Variants in CPSF3 observed in about 807,000 individuals in gnomAD.
CPSF3 encodes cleavage and polyadenylation specificity factor subunit 3.
A neutral mutation model predicts 84.1 loss-of-function variants in CPSF3; 57 were observed. The ratio of observed to expected loss-of-function variants is 0.68; its 90% CI spans 0.55 to 0.85. The LOEUF is 0.85. CPSF3 is among the 40% of genes least tolerant of loss of function. The pLI is 0.00. For missense variants in CPSF3, 522 were observed against 838.8 expected (o/e 0.62, Z 4.66); for synonymous variants, 275 against 278.1 (o/e 0.99, Z 0.11).
intron 11 of CPSF3, among the ~76,000 whole-genome samples, chr2:9,449,470 G>A (rs1361965304): frequency 2.6e-5 from 4 of 151,930 alleles, no homozygotes; most frequent in African/African-American, 9.7e-5. Flanking sequence ...GGCTGGGCAC[G>A]GTGGCTCACT....
chr2:9,470,796 G>A (rs1031657417), intron 16 of CPSF3, among the ~76,000 whole-genome samples: 1 of 152,194 alleles, frequency 6.6e-6, no homozygotes, highest in Admixed American at 6.5e-5. Flanking sequence ...TATAGGTTAA[G>A]ATAATGTATA....
intron 9 of CPSF3, 73 bp from the exon 10 acceptor site, chr2:9,443,441 TG>T: frequency 2.0e-6 from 3 of 1,472,728 alleles, no homozygotes; most frequent in Non-Finnish European, 2.8e-6. Flanking sequence ...TATGACTGCA[TG>T]AAAAAAATGA....
At chr2:9,456,839 C>A in intron 13 of CPSF3, 94 bp from the exon 14 acceptor site, 1 of 674,638 alleles carries the variant, frequency 1.5e-6, no homozygotes, top group South Asian at 2.6e-5. Context: ...AATTGTGTAG[C>A]TGCTTTATTT....
chr2:9,439,166 A>G (rs1297712120), intron 7 of CPSF3, among the ~76,000 whole-genome samples: 8 of 152,250 alleles, frequency 5.3e-5, no homozygotes, highest in Non-Finnish European at 1.5e-5. Flanking sequence ...TATCATTGAT[A>G]CATCAAATGG....
chr2:9,468,786 C>T (rs1357463028), intron 16 of CPSF3, among the ~76,000 whole-genome samples: 1 of 151,982 alleles, frequency 6.6e-6, no homozygotes, highest in Non-Finnish European at 1.5e-5. Flanking sequence ...GCCCACCACA[C>T]CCAGCTAATT....
At chr2:9,458,797 A>G (rs1479914358) in intron 14 of CPSF3, among the ~76,000 whole-genome samples, 3 of 152,130 alleles carry the variant, frequency 2.0e-5, no homozygotes, top group African/African-American at 7.2e-5. Flanking sequence ...TAGTGTGAGA[A>G]GCAAAAGTAA....
In CPSF3 at chr2:9,473,012, C is replaced by G; in HGVS notation, c.2050C>G (p.His684Asp). Reference sequence around the variant, plus strand: ...ACTGTACGAGGCCCTGACGCCAGTTCACTGAGACTGTGCCTGTATATGAAC... The same window carrying G: ...ACTGTACGAGGCCCTGACGCCAGTTGACTGAGACTGTGCCTGTATATGAAC... ...QRLYEALTPV[H>D] Residue 684 changes from histidine to aspartate, a missense_variant, in exon 18 of 18, where the codon CAC (histidine) becomes GAC (aspartate). By Grantham distance (81) the His-to-Asp change is moderately conservative. Around this residue, in one of 2 missense-constraint regions of CPSF3, gnomAD observed 193 missense variants for 231.6 expected, o/e 0.83. Transcript: ENST00000238112. 1.2e-6 allele frequency: 2 copies of G among 1,609,980 alleles called. No homozygotes were observed. Among genetic ancestry groups the G allele is most frequent in the Non-Finnish European group, 1.7e-6 (2 of 1,176,600 alleles).
At chr2:9,434,340 G>A (rs1247335940) in intron 6 of CPSF3, among the ~76,000 whole-genome samples, 1 of 151,804 alleles carries the variant, frequency 6.6e-6, no homozygotes, top group African/African-American at 2.4e-5. Flanking sequence ...CTGCACTCGA[G>A]CCTGGGCTAC....
chr2:9,450,690 A>G (rs1192734312), intron 11 of CPSF3, among the ~76,000 whole-genome samples: 5 of 152,112 alleles, frequency 3.3e-5, no homozygotes, highest in African/African-American at 1.2e-4. Flanking sequence ...CGGGAGGCTG[A>G]GGCAGGAGAA....
chr2:9,451,719 T>A (rs1470084963), intron 11 of CPSF3, among the ~76,000 whole-genome samples: 1 of 148,734 alleles, frequency 6.7e-6, no homozygotes, highest in East Asian at 2.0e-4. Flanking sequence ...AATGAAACTT[T>A]TTTTTTTTTT....
chr2:9,470,736 A>G (rs902759579), intron 16 of CPSF3, among the ~76,000 whole-genome samples: 2 of 152,202 alleles, frequency 1.3e-5, no homozygotes, highest in African/African-American at 4.8e-5. Flanking sequence ...AAATCACTTA[A>G]CTTCTGTGTC....
chr2:9,455,980 T>A (rs1681512034), intron 13 of CPSF3, among the ~76,000 whole-genome samples: 2 of 152,118 alleles, frequency 1.3e-5, no homozygotes, highest in Non-Finnish European at 2.9e-5. Flanking sequence ...TTAAAAAAAA[T>A]TAAAAAAGAA....
chr2:9,437,734 C>T (rs1444411891), intron 7 of CPSF3, among the ~76,000 whole-genome samples: 2 of 152,216 alleles, frequency 1.3e-5, no homozygotes, highest in East Asian at 3.8e-4. Context: ...TGGCTCACGA[C>T]TGTAATCCCT....
intron 15 of CPSF3, among the ~76,000 whole-genome samples, chr2:9,464,762 T>C (rs1681845863): frequency 6.6e-6 from 1 of 151,944 alleles, no homozygotes; most frequent in African/African-American, 2.4e-5. Flanking sequence ...CTGGCTAATT[T>C]TTCTATTTTT....
intron 12 of CPSF3, among the ~76,000 whole-genome samples, chr2:9,453,455 T>C (rs1030746546): frequency 6.6e-6 from 1 of 152,228 alleles, no homozygotes; most frequent in Non-Finnish European, 1.5e-5. Context: ...AAAACTTGTA[T>C]AATTTCTTTA....
At chr2:9,466,424 G>A (rs992269435) in intron 15 of CPSF3, among the ~76,000 whole-genome samples, 6 of 141,770 alleles carry the variant, frequency 4.2e-5, no homozygotes, top group Non-Finnish European at 9.0e-5. Flanking sequence ...ACGCACACGC[G>A]CACACACGCG....
At position 9,423,731 on chromosome 2, in the gene CPSF3, G is replaced by A. The variant is rs1372504366; in HGVS notation, c.-43G>A. 2.5e-6 allele frequency: 4 copies of A among 1,605,600 alleles called. No individual in the cohort carries two copies. The African/African-American group carries it at 4.0e-5, about 16-fold the overall frequency. On this transcript the variant is annotated 5_prime_UTR_variant, in exon 1 of 18. Coordinates refer to ENST00000238112, the MANE Select transcript of CPSF3 (RefSeq NM_016207.4). ...TGTGCTTCCAATTTAGGAAGACCCC[G>A]GCGACCTGTTCCTCACCCCCGCTTC...
At chr2:9,455,253 A>G (rs1019136244) in intron 12 of CPSF3, among the ~76,000 whole-genome samples, 3 of 151,052 alleles carry the variant, frequency 2.0e-5, no homozygotes, top group African/African-American at 7.3e-5. Flanking sequence ...TCTCTGCCTC[A>G]GCCTCCCGAG....
intron 15 of CPSF3, among the ~76,000 whole-genome samples, chr2:9,466,180 GCACACACACACGCGCT>G (rs1235403315): frequency 3.3e-5 from 5 of 150,326 alleles, no homozygotes; most frequent in East Asian, 2.0e-4. Context: ...GTCTCTACAC[GCACACACACACGCGCT>G]CACACACACA....
Sources: allele counts gnomAD v4.1 joint callset (sites outside exome capture counted in the v4.1 genomes callset), GRCh38; gene constraint gnomAD v4.1.1; regional missense constraint gnomAD v4.1.1; transcripts MANE v1.5; gene names NCBI Gene and HGNC (gene_info 2026-07-23, HGNC 2026-07-21).